Variants in MGA observed in about 807,000 individuals in gnomAD.
The protein encoded by MGA is MAX gene-associated protein.
MGA carries 40 observed loss-of-function variants against 261.1 expected under a neutral mutation model. The observed-to-expected ratio is 0.15, with a 90% CI of 0.12 to 0.20. The LOEUF is 0.20. MGA is among the 10% of genes least tolerant of loss of function. The pLI is 1.00. For synonymous variants in MGA, 1,302 were observed against 1,290.6 expected (o/e 1.01, Z -0.19); for missense variants, 3,397 against 3,630.5 (o/e 0.94, Z 1.65).
In MGA at chr15:41,749,985, C is replaced by T. The variant is rs2151918553; in HGVS notation, c.6378C>T (p.Asn2126=). The change falls in exon 17 of 24, where the codon AAC becomes AAT. Residue 2126 remains asparagine (N), a synonymous_variant. Transcript: ENST00000219905. Reference sequence around the variant, plus strand: ...AAGGATTTGACAATCCAGAAGAAAACTCAAGTGAATTTCCAGTCACCTTTA... The same window carrying T: ...AAGGATTTGACAATCCAGAAGAAAATTCAAGTGAATTTCCAGTCACCTTTA... 1 of 1,612,218 alleles carries T rather than the reference C, an allele frequency of 6.2e-7. No individual in the cohort carries two copies. Among genetic ancestry groups the T allele is most frequent in the East Asian group, 2.2e-5 (1 of 44,870 alleles).
rs1246067553 is a variant in MGA, at chr15:41,669,112, G to A, written c.218G>A (p.Gly73Asp). 2 of 1,611,388 alleles carry A rather than the reference G, an allele frequency of 1.2e-6. No individual in the cohort carries two copies. Among genetic ancestry groups the A allele is most frequent in the South Asian group, 1.1e-5 (1 of 91,066 alleles). ...TGCCTTCCAGCTGATTGTACTGTGGGTGGAATCACTGTTACCCTCGATAAC... is the reference window on the plus strand; with the variant it reads ...TGCCTTCCAGCTGATTGTACTGTGGATGGAATCACTGTTACCCTCGATAAC... Residue 73 changes from glycine (G) to aspartate (D), a missense_variant, in exon 2 of 24, where the codon GGT becomes GAT. Coordinates refer to ENST00000219905, the MANE Select transcript of MGA (RefSeq NM_001164273.2).
At chr15:41,631,939 A>C (rs972837141) in intron 1 of MGA, among the ~76,000 whole-genome samples, 1 of 152,162 alleles carries the variant, frequency 6.6e-6, no homozygotes, top group Non-Finnish European at 1.5e-5. Context: ...ACATTTAGAA[A>C]AAAGATAATT....
At chr15:41,709,600 A>T (rs2060285636) in intron 7 of MGA, among the ~76,000 whole-genome samples, 1 of 151,610 alleles carries the variant, frequency 6.6e-6, no homozygotes, top group Admixed American at 6.6e-5. Context: ...GTGCGCCACC[A>T]TGCCTGGCTA....
chr15:41,701,185 C>A (rs1016001210), intron 5 of MGA, among the ~76,000 whole-genome samples: 1 of 151,904 alleles, frequency 6.6e-6, no homozygotes, highest in Non-Finnish European at 1.5e-5. Flanking sequence ...TTTTTTCTCC[C>A]CTTTTCCTTT....
intron 13 of MGA, among the ~76,000 whole-genome samples, chr15:41,738,059 C>A (rs1255522204): frequency 6.6e-6 from 1 of 151,946 alleles, no homozygotes; most frequent in Non-Finnish European, 1.5e-5. Flanking sequence ...GCTTGACTTT[C>A]ATTAGATTGG....
intron 5 of MGA, among the ~76,000 whole-genome samples, chr15:41,704,224 T>C (rs2059994308): frequency 6.6e-6 from 1 of 152,216 alleles, no homozygotes; most frequent in South Asian, 2.1e-4. Context: ...AAATATTTTT[T>C]TTTAGAGATG....
At chr15:41,693,851 G>A (rs895954069) in intron 2 of MGA, among the ~76,000 whole-genome samples, 5 of 152,096 alleles carry the variant, frequency 3.3e-5, no homozygotes, top group Admixed American at 2.6e-4. Flanking sequence ...AATATTTTAG[G>A]AAGATAAATT....
At chr15:41,683,851 G>A (rs913537737) in intron 2 of MGA, among the ~76,000 whole-genome samples, 4 of 151,900 alleles carry the variant, frequency 2.6e-5, no homozygotes, top group African/African-American at 9.7e-5. Flanking sequence ...AAACTGCTGG[G>A]ATTACAGGCG....
chr15:41,706,249 A>AAT (rs1555420292), intron 5 of MGA, among the ~76,000 whole-genome samples: 222 of 147,460 alleles, frequency 1.5e-3, no homozygotes, highest in South Asian at 3.6e-3. Flanking sequence ...AAAAAAAAAA[A>AAT]AAATGAATAA....
Position 41,630,386 on chromosome 15 carries a change from A to G in MGA, c.-68+9088A>G, listed in dbSNP as rs554717708. Among the ~76,000 whole-genome samples the G allele has an allele frequency of 3.9e-5, 6 of 152,302 alleles. No homozygotes were observed. The South Asian group carries it at 1.2e-3, about 32-fold the overall frequency. On this transcript the variant is annotated intron_variant, in intron 1 of 8. Transcript: ENST00000566718. The stretch of plus-strand genomic sequence containing the variant: ...GGCATTTTGGCTTTTAAAAAAATTC[A>G]TTTGTTTTCCCAGTGCTTGGCATGT...
intron 15 of MGA, among the ~76,000 whole-genome samples, chr15:41,744,444 C>T (rs1056058925): frequency 1.3e-5 from 2 of 152,118 alleles, no homozygotes; most frequent in African/African-American, 2.4e-5. Flanking sequence ...GATCTTCCCA[C>T]CTTGGCCTCC....
Position 41,681,197 on chromosome 15 carries a change from C to T in MGA, c.1064+11239C>T, listed in dbSNP as rs894756304. On this transcript the variant is annotated intron_variant, in intron 2 of 23. Coordinates refer to ENST00000219905, the MANE Select transcript of MGA (RefSeq NM_001164273.2). Reference sequence around the variant, plus strand: ...AAAAATAGTAGTGACTTGGCTTTACCATTTTTCACCCCCTAGTTTTCTTTA... The same window carrying T: ...AAAAATAGTAGTGACTTGGCTTTACTATTTTTCACCCCCTAGTTTTCTTTA... 2.6e-5 allele frequency among the ~76,000 whole-genome samples: 4 copies of T among 152,210 alleles called. No individual in the cohort carries two copies. In the South Asian group the frequency reaches 6.2e-4, roughly 24 times the overall value.
rs1345164763 is a variant in MGA at position 41,736,594 on chromosome 15, T to A, written c.4330T>A (p.Leu1444Ile). ...TGCCCTGGATTCAGTGAGGGAGAGA[T>A]TACATGGAGGCAAAGGTCTGCCTTT... Residue 1444 changes from leucine (L) to isoleucine (I), a missense_variant, in exon 13 of 24, where the codon TTA becomes ATA. Leu to Ile is a conservative substitution (Grantham distance 5). Transcript: ENST00000219905. 5 of 1,613,794 alleles carry A rather than the reference T, an allele frequency of 3.1e-6. No individual in the cohort carries two copies. Among genetic ancestry groups the A allele is most frequent in the Non-Finnish European group, 4.2e-6 (5 of 1,179,900 alleles).
At chr15:41,677,289 G>A (rs2058438339) in intron 2 of MGA, among the ~76,000 whole-genome samples, 1 of 152,098 alleles carries the variant, frequency 6.6e-6, no homozygotes, top group African/African-American at 2.4e-5. Context: ...TTACAGGCAC[G>A]TGCCACCGCA....
chr15:41,675,299 A>G (rs1255032391), intron 2 of MGA, among the ~76,000 whole-genome samples: 2 of 152,032 alleles, frequency 1.3e-5, no homozygotes, highest in African/African-American at 4.8e-5. Flanking sequence ...TTGTTAGCAC[A>G]TGTGGTATTG....
chr15:41,653,286 T>A (rs1291275760), intron 1 of MGA, among the ~76,000 whole-genome samples: 1 of 151,654 alleles, frequency 6.6e-6, no homozygotes, highest in Non-Finnish European at 1.5e-5. Context: ...GGAGAATTGC[T>A]TGAACCCGGG....
At position 41,713,512 on chromosome 15, in the gene MGA, G is replaced by T; in HGVS notation, c.3430+16G>T. ...CTAGAATACAGTGAGTATTAATTGA[G>T]AGTTAAAACTGTGCCATATCAGTTT... On this transcript the variant is annotated intron_variant, in intron 9 of 23. Transcript: ENST00000219905. 1 of 1,514,580 alleles carries T rather than the reference G, an allele frequency of 6.6e-7. No individual in the cohort carries two copies. The highest frequency in any genetic ancestry group is 8.8e-7 in the Non-Finnish European group (1 of 1,135,116). 93.8% of individuals were successfully genotyped at this position (1,514,580 alleles called of 1,614,324 possible).
In MGA at chr15:41,699,219, C is replaced by T. The variant is rs76415140; in HGVS notation, c.2188+60C>T. On this transcript the variant is annotated intron_variant, in intron 5 of 23. Transcript: ENST00000219905. ...TTTTTTTCTTTCTTCCCTACTGTTT[C>T]TCCTCTTTTTCCTCTCTCTTTCTCA... The T allele has an allele frequency of 8.0e-3, 8,892 of 1,111,864 alleles. 46 individuals carry two copies. The highest frequency in any genetic ancestry group is 9.4e-3 in the Non-Finnish European group (7,439 of 791,790). 68.9% of individuals were successfully genotyped at this position (1,111,864 alleles called of 1,614,324 possible). A position where few individuals can be genotyped will look rare whatever the true frequency, so the allele number is the denominator to read the frequency against.
At chr15:41,690,929 A>C (rs114042428) in intron 2 of MGA, among the ~76,000 whole-genome samples, 1 of 151,756 alleles carries the variant, frequency 6.6e-6, no homozygotes, top group Non-Finnish European at 1.5e-5. Context: ...GTAGCTTTGT[A>C]CTAAGCTGAA....
Sources: allele counts gnomAD v4.1 joint callset (sites outside exome capture counted in the v4.1 genomes callset), GRCh38; gene constraint gnomAD v4.1.1; transcripts MANE v1.5; gene names NCBI Gene and HGNC (gene_info 2026-07-23, HGNC 2026-07-21).